Variants in VAT1L observed in about 807,000 individuals in gnomAD.
The protein encoded by VAT1L is vesicle amine transport 1 like, also known as putative NADPH-dependent quinone oxidoreductase VAT1L.
VAT1L carries 34 observed loss-of-function variants against 44.1 expected under a neutral mutation model. The observed-to-expected ratio is 0.77, with a 90% CI of 0.59 to 1.03. The LOEUF is 1.03. Among genes scored for constraint, VAT1L ranks in the 50% least tolerant of loss-of-function variants. The probability of loss-of-function intolerance (pLI) is 0.00; values close to 1 mark genes in which losing one functional copy is unlikely to be tolerated. For missense variants in VAT1L, 615 were observed against 538.8 expected (o/e 1.14, Z -1.40); for synonymous variants, 253 against 202.2 (o/e 1.25, Z -2.13).
intron 7 of VAT1L, among the ~76,000 whole-genome samples, chr16:77,969,303 C>G (rs2018255102): frequency 6.6e-6 from 1 of 152,048 alleles, no homozygotes; most frequent in African/African-American, 2.4e-5. Flanking sequence ...CAAGTCCCAG[C>G]CTCATTTTCC....
chr16:77,904,894 C>T (rs1023869834), intron 7 of VAT1L, among the ~76,000 whole-genome samples: 1 of 152,078 alleles, frequency 6.6e-6, no homozygotes, highest in African/African-American at 2.4e-5. Context: ...GCCTACTTCT[C>T]TTCATTTAAC....
chr16:77,859,709 A>G (rs2016896689), intron 3 of VAT1L, among the ~76,000 whole-genome samples: 1 of 152,186 alleles, frequency 6.6e-6, no homozygotes, highest in South Asian at 2.1e-4. Context: ...GCTGTCGAGG[A>G]CAAAGAGATA....
At chr16:77,867,502 C>A (rs957081069) in intron 4 of VAT1L, among the ~76,000 whole-genome samples, 1 of 152,014 alleles carries the variant, frequency 6.6e-6, no homozygotes, top group South Asian at 2.1e-4. Context: ...AGATGCTTCT[C>A]GACTTACAAT....
chr16:77,931,690 G>C (rs1022075212), intron 7 of VAT1L, among the ~76,000 whole-genome samples: 1 of 152,202 alleles, frequency 6.6e-6, no homozygotes, highest in Admixed American at 6.5e-5. Flanking sequence ...AAATAATGAA[G>C]TCTGAATATG....
At chr16:77,899,909 C>A (rs1187760443) in intron 7 of VAT1L, among the ~76,000 whole-genome samples, 1 of 152,232 alleles carries the variant, frequency 6.6e-6, no homozygotes, top group Non-Finnish European at 1.5e-5. Context: ...CTACAAATTA[C>A]CAACTAGTTA....
chr16:77,865,828 G>A (rs1289447022), intron 4 of VAT1L, among the ~76,000 whole-genome samples: 1 of 152,186 alleles, frequency 6.6e-6, no homozygotes, highest in Non-Finnish European at 1.5e-5. Context: ...AGAGAAGGGA[G>A]ATGGCATCTC....
At chr16:77,968,747 A>C (rs547688112) in intron 7 of VAT1L, among the ~76,000 whole-genome samples, 2 of 151,760 alleles carry the variant, frequency 1.3e-5, no homozygotes, top group Non-Finnish European at 1.5e-5. Flanking sequence ...AAACAAAAAG[A>C]GCATGGGGAC....
intron 7 of VAT1L, among the ~76,000 whole-genome samples, chr16:77,925,064 C>G (rs754679722): frequency 1.3e-5 from 2 of 152,130 alleles, no homozygotes; most frequent in Non-Finnish European, 2.9e-5. Flanking sequence ...TGTAAAGCTC[C>G]TCATGGAATG....
intron 7 of VAT1L, among the ~76,000 whole-genome samples, chr16:77,908,879 A>T (rs1273368847): frequency 6.6e-6 from 1 of 151,980 alleles, no homozygotes; most frequent in Non-Finnish European, 1.5e-5. Flanking sequence ...GCGCTACTGC[A>T]CTCCAGCCTG....
chr16:77,858,346 A>G (rs940313063), intron 3 of VAT1L, among the ~76,000 whole-genome samples: 3 of 152,216 alleles, frequency 2.0e-5, no homozygotes, highest in African/African-American at 2.4e-5. Flanking sequence ...ATGTGGGGAA[A>G]CTGGCGTTGA....
intron 3 of VAT1L, among the ~76,000 whole-genome samples, chr16:77,847,964 C>G (rs796478669): frequency 1.8e-4 from 27 of 152,298 alleles, no homozygotes; most frequent in African/African-American, 6.3e-4. Flanking sequence ...GGGTTATCAC[C>G]TTCCAGGCCA....
intron 7 of VAT1L, among the ~76,000 whole-genome samples, chr16:77,934,571 A>G (rs1242252841): frequency 1.3e-5 from 2 of 152,206 alleles, no homozygotes; most frequent in African/African-American, 2.4e-5. Flanking sequence ...CTCTAGAACT[A>G]TAACATAATA....
chr16:77,867,143 A>G (rs1252325550), intron 4 of VAT1L, among the ~76,000 whole-genome samples: 3 of 152,192 alleles, frequency 2.0e-5, no homozygotes, highest in Admixed American at 2.0e-4. Context: ...ATTGAGAGGT[A>G]GGAACAGATT....
At chr16:77,913,899 A>G (rs1469467402) in intron 7 of VAT1L, among the ~76,000 whole-genome samples, 1 of 152,186 alleles carries the variant, frequency 6.6e-6, no homozygotes. Context: ...GAACCTCATG[A>G]GGATATGCAG....
chr16:77,821,731 T>C (rs535853634), intron 2 of VAT1L, among the ~76,000 whole-genome samples: 1 of 151,830 alleles, frequency 6.6e-6, no homozygotes, highest in African/African-American at 2.4e-5. Context: ...TTAAATGCAG[T>C]AATTTAATTT....
chr16:77,882,078 T>C (rs148798212), intron 6 of VAT1L: 7 of 152,284 alleles, frequency 4.6e-5, no homozygotes, highest in Non-Finnish European at 1.0e-4. Context: ...AGGTCAAGAA[T>C]GAGGATGTTT....
chr16:77,926,357 C>T (rs1444531531), intron 7 of VAT1L, among the ~76,000 whole-genome samples: 1 of 151,720 alleles, frequency 6.6e-6, no homozygotes, highest in Admixed American at 6.6e-5. Flanking sequence ...CTGAGGCAGG[C>T]AGATCGCCTA....
intron 7 of VAT1L, among the ~76,000 whole-genome samples, chr16:77,955,852 T>C (rs2018098261): frequency 6.6e-6 from 1 of 151,624 alleles, no homozygotes; most frequent in Non-Finnish European, 1.5e-5. Flanking sequence ...GCGTCCTACA[T>C]CCTTCCTTCC....
intron 1 of VAT1L, among the ~76,000 whole-genome samples, chr16:77,796,510 A>G (rs2015936180): frequency 6.6e-6 from 1 of 152,196 alleles, no homozygotes. Flanking sequence ...TCCTAACTCT[A>G]CCTCACTGTG....
Sources: gnomAD v4.1 joint callset for allele counts (sites outside exome capture counted in the v4.1 genomes callset) on GRCh38, gnomAD v4.1.1 for gene constraint, MANE v1.5 for transcripts, NCBI Gene and HGNC (gene_info 2026-07-23, HGNC 2026-07-21) for gene names.